The following BTBD9 variants were observed in gnomAD, a reference collection of about 807,000 sequenced individuals.
BTBD9 encodes BTB/POZ domain-containing protein 9.
A neutral mutation model predicts 64.3 loss-of-function variants in BTBD9; 49 were observed. The ratio of observed to expected loss-of-function variants is 0.76; its 90% CI spans 0.61 to 0.97. The LOEUF (loss-of-function observed/expected upper bound fraction) is 0.97, where lower values mean the gene tolerates loss of function less well. Ranked by LOEUF, BTBD9 falls within the 50% of genes least tolerant of loss-of-function variation. The probability of loss-of-function intolerance (pLI) is 0.00; values close to 1 mark genes in which losing one functional copy is unlikely to be tolerated. For synonymous variants in BTBD9, 260 were observed against 274.7 expected, an observed-to-expected ratio of 0.95 and a Z score of 0.53; for missense variants, 598 against 762.1, an observed-to-expected ratio of 0.78 and a Z score of 2.53.
At chr6:38,358,413 ATC>A (rs1764815862) in intron 6 of BTBD9, among the ~76,000 whole-genome samples, 1 of 152,210 alleles carries the variant, frequency 6.6e-6, no homozygotes, top group Non-Finnish European at 1.5e-5. Flanking sequence ...AGCCAGCTGC[ATC>A]TAAGCAGAGC....
intron 6 of BTBD9, among the ~76,000 whole-genome samples, chr6:38,435,951 G>A (rs1308408176): frequency 6.6e-6 from 1 of 151,608 alleles, no homozygotes; most frequent in Non-Finnish European, 1.5e-5. Context: ...TTACAGGTAT[G>A]AGCCACCTCA....
At chr6:38,395,768 G>A (rs966642023) in intron 6 of BTBD9, among the ~76,000 whole-genome samples, 13 of 151,462 alleles carry the variant, frequency 8.6e-5, no homozygotes, top group African/African-American at 2.4e-4. Flanking sequence ...GGAGTGCAGC[G>A]GTGTGATCTC....
chr6:38,619,233 C>A (rs1430190609), intron 1 of BTBD9, among the ~76,000 whole-genome samples: 4 of 152,128 alleles, frequency 2.6e-5, no homozygotes. Flanking sequence ...CAAAAGCTAG[C>A]CCTGGGCCCT....
At chr6:38,180,840 G>A (rs145810807) in intron 10 of BTBD9, among the ~76,000 whole-genome samples, 2 of 152,300 alleles carry the variant, frequency 1.3e-5, no homozygotes, top group Non-Finnish European at 2.9e-5. Flanking sequence ...GAGAGAAGCC[G>A]GCTAATTTGG....
At chr6:38,516,644 G>A (rs1284801222) in intron 6 of BTBD9, among the ~76,000 whole-genome samples, 2 of 152,140 alleles carry the variant, frequency 1.3e-5, no homozygotes, top group Admixed American at 6.5e-5. Flanking sequence ...GGAAATCTCA[G>A]GCTTATTAGA....
intron 6 of BTBD9, among the ~76,000 whole-genome samples, chr6:38,419,409 CA>C (rs368360078): frequency 2.8e-4 from 42 of 152,068 alleles, no homozygotes; most frequent in Admixed American, 9.8e-4. Flanking sequence ...AAAGCTGTTA[CA>C]AAAAATAGTG....
intron 1 of BTBD9, among the ~76,000 whole-genome samples, chr6:38,612,028 A>C (rs1777632357): frequency 1.3e-5 from 2 of 152,178 alleles, no homozygotes; most frequent in African/African-American, 4.8e-5. Flanking sequence ...TTATCCTGAG[A>C]ATCAACACCT....
chr6:38,288,042 T>C (rs1459220738), intron 8 of BTBD9, among the ~76,000 whole-genome samples: 1 of 152,204 alleles, frequency 6.6e-6, no homozygotes, highest in Non-Finnish European at 1.5e-5. Context: ...GCCTCTTGTC[T>C]AGTTCCTCCA....
rs141468454 is a variant in BTBD9 at position 38,446,277 on chromosome 6, T to C, written c.1155-101184A>G. On this transcript the variant is annotated intron_variant, in intron 6 of 10. Coordinates refer to ENST00000481247, the MANE Select transcript of BTBD9 (RefSeq NM_001099272.2). ...AAATGCACCCTGTACTTCTGCCATGTAGCATAGGTAATCATAATTAAACAA... is the reference window on the plus strand; with the variant it reads ...AAATGCACCCTGTACTTCTGCCATGCAGCATAGGTAATCATAATTAAACAA... Among the ~76,000 whole-genome samples the C allele has an allele frequency of 1.2e-4, 18 of 152,126 alleles. 1 individual carries two copies. The East Asian group carries it at 2.9e-3, about 24-fold the overall frequency.
intron 6 of BTBD9, among the ~76,000 whole-genome samples, chr6:38,563,059 T>C (rs1303337519): frequency 6.6e-6 from 1 of 152,200 alleles, no homozygotes; most frequent in Non-Finnish European, 1.5e-5. Context: ...AAGCCACACA[T>C]TCTTGACTGT....
At chr6:38,202,242 AC>A (rs772271240) in intron 9 of BTBD9, among the ~76,000 whole-genome samples, 2 of 151,526 alleles carry the variant, frequency 1.3e-5, no homozygotes, top group Non-Finnish European at 2.9e-5. Context: ...GCGGCACCAC[AC>A]CCAGCTAATT....
intron 8 of BTBD9, among the ~76,000 whole-genome samples, chr6:38,259,643 C>T (rs1458603287): frequency 2.6e-5 from 4 of 152,212 alleles, no homozygotes; most frequent in African/African-American, 9.7e-5. Flanking sequence ...GGGTCAAACT[C>T]CTGGCCTCAA....
At chr6:38,186,140 C>T (rs1417522835) in intron 10 of BTBD9, among the ~76,000 whole-genome samples, 1 of 152,208 alleles carries the variant, frequency 6.6e-6, no homozygotes, top group Non-Finnish European at 1.5e-5. Flanking sequence ...AGGGTCAGTC[C>T]ATCTGCCCAC....
At chr6:38,256,686 G>C (rs1377634694) in intron 8 of BTBD9, among the ~76,000 whole-genome samples, 170 bp from the exon 9 acceptor site, 1 of 152,188 alleles carries the variant, frequency 6.6e-6, no homozygotes, top group Admixed American at 6.5e-5. Flanking sequence ...TCAGTCTGCA[G>C]TGAGAGGCTT....
chr6:38,507,222 A>G (rs1772565001), intron 6 of BTBD9, among the ~76,000 whole-genome samples: 1 of 152,080 alleles, frequency 6.6e-6, no homozygotes, highest in Non-Finnish European at 1.5e-5. Flanking sequence ...TTTATTTGCT[A>G]TTCTTTTATT....
intron 6 of BTBD9, among the ~76,000 whole-genome samples, chr6:38,577,091 C>A (rs941225672): frequency 3.3e-5 from 5 of 152,160 alleles, no homozygotes; most frequent in Admixed American, 6.5e-5. Context: ...ACTTGAAACA[C>A]CTGTTCTGTC....
chr6:38,506,111 C>T (rs550216775), intron 6 of BTBD9, among the ~76,000 whole-genome samples: 2 of 152,156 alleles, frequency 1.3e-5, no homozygotes, highest in East Asian at 3.9e-4. Flanking sequence ...CACCAAAGTT[C>T]TCCCTCCTCC....
intron 1 of BTBD9, among the ~76,000 whole-genome samples, 178 bp downstream of exon 1, chr6:38,639,622 C>G (rs778199662): frequency 6.6e-6 from 1 of 152,168 alleles, no homozygotes; most frequent in African/African-American, 2.4e-5. Flanking sequence ...TACCGCTCTC[C>G]CAGAGCACCC....
At position 38,169,764 on chromosome 6, in the gene BTBD9, TCCCCCCCG is replaced by T. The variant is rs1451871688; in HGVS notation, c.*5213_*5220del. On this transcript the variant is annotated 3_prime_UTR_variant, in exon 11 of 11. Transcript: ENST00000481247. ...GCTGCAGGGCCTCCTCCACCCCCCCTCCCCCCCGCCCATTCAGGGCTATAAATACTCAC... is the reference window on the plus strand; with the variant it reads ...GCTGCAGGGCCTCCTCCACCCCCCCTCCCATTCAGGGCTATAAATACTCAC... The T allele has an allele frequency of 1.3e-5, 1 of 78,140 alleles. No homozygotes were observed. Among genetic ancestry groups the T allele is most frequent in the East Asian group, 4.5e-4 (1 of 2,214 alleles). 4.8% of individuals were successfully genotyped at this position (78,140 alleles called of 1,614,324 possible). A position where few individuals can be genotyped will look rare whatever the true frequency, so the allele number is the denominator to read the frequency against.
Sources: gnomAD v4.1 joint callset for allele counts (sites outside exome capture counted in the v4.1 genomes callset) on GRCh38, gnomAD v4.1.1 for gene constraint, MANE v1.5 for transcripts, NCBI Gene and HGNC (gene_info 2026-07-23, HGNC 2026-07-21) for gene names.